The following CPNE4 variants were observed in gnomAD, a reference collection of about 807,000 sequenced individuals.
CPNE4 encodes copine-4.
CPNE4 carries 25 observed loss-of-function variants against 67.9 expected under a neutral mutation model. The observed-to-expected ratio is 0.37, with a 90% CI of 0.27 to 0.51. The LOEUF (loss-of-function observed/expected upper bound fraction) is 0.51, where lower values mean the gene tolerates loss of function less well. Ranked by LOEUF, CPNE4 falls within the 20% of genes least tolerant of loss-of-function variation. The probability of loss-of-function intolerance (pLI) is 0.93; values close to 1 mark genes in which losing one functional copy is unlikely to be tolerated. For synonymous variants in CPNE4, 242 were observed against 244.9 expected, an observed-to-expected ratio of 0.99 and a Z score of 0.11; for missense variants, 464 against 690.8, an observed-to-expected ratio of 0.67 and a Z score of 3.68.
intron 2 of CPNE4, among the ~76,000 whole-genome samples, chr3:131,862,679 T>G (rs2086737083): frequency 6.8e-6 from 1 of 147,442 alleles, no homozygotes; most frequent in Non-Finnish European, 1.5e-5. Context: ...ATTTCAGTCA[T>G]GGCATTTTCT....
At chr3:131,828,147 T>C (rs1318177494) in intron 2 of CPNE4, among the ~76,000 whole-genome samples, 1 of 150,902 alleles carries the variant, frequency 6.6e-6, no homozygotes, top group Non-Finnish European at 1.5e-5. Flanking sequence ...TTCTGATTGC[T>C]CAATACTTAA....
chr3:131,886,320 G>A (rs1301850975), intron 2 of CPNE4, among the ~76,000 whole-genome samples: 1 of 152,242 alleles, frequency 6.6e-6, no homozygotes, highest in Non-Finnish European at 1.5e-5. Flanking sequence ...CAGGTACACA[G>A]AAGTCAAGAA....
intron 7 of CPNE4, among the ~76,000 whole-genome samples, chr3:131,648,214 A>C (rs2079714530): frequency 6.6e-6 from 1 of 152,182 alleles, no homozygotes; most frequent in South Asian, 2.1e-4. Flanking sequence ...TCTACAAAAA[A>C]CACAAAAATT....
At chr3:131,686,106 C>T (rs2080882048) in intron 5 of CPNE4, 148 bp from the exon 6 acceptor site, 2 of 592,430 alleles carry the variant, frequency 3.4e-6, no homozygotes, top group Non-Finnish European at 6.0e-6. Flanking sequence ...TCTCTTCCTG[C>T]CCAGTTCTAC....
intron 7 of CPNE4, among the ~76,000 whole-genome samples, chr3:131,648,883 T>C (rs2079736668): frequency 6.6e-6 from 1 of 152,088 alleles, no homozygotes; most frequent in Non-Finnish European, 1.5e-5. Flanking sequence ...CCAATTCCTG[T>C]AAGTAGGTGG....
At chr3:132,039,080 T>A (rs2074376415), upstream of CPNE4, among the ~76,000 whole-genome samples, 1 of 152,258 alleles carries the variant, frequency 6.6e-6, no homozygotes, top group Non-Finnish European at 1.5e-5. Flanking sequence ...TAAACAGTCA[T>A]AAGTGGCTAG....
chr3:131,627,926 A>G (rs1019794571), intron 7 of CPNE4, among the ~76,000 whole-genome samples: 4 of 152,212 alleles, frequency 2.6e-5, no homozygotes, highest in African/African-American at 7.2e-5. Flanking sequence ...GATTCCATAA[A>G]CATTGTTGAA....
At chr3:131,930,640 A>G (rs2071034151) in intron 1 of CPNE4, among the ~76,000 whole-genome samples, 1 of 152,124 alleles carries the variant, frequency 6.6e-6, no homozygotes. Flanking sequence ...CGCTTAGTAC[A>G]GTGTCTGCCA....
chr3:131,993,472 C>CCAAAAAAA (rs1553825010), intron 1 of CPNE4, among the ~76,000 whole-genome samples: 1 of 60,474 alleles, frequency 1.7e-5, no homozygotes, highest in South Asian at 7.5e-4. Flanking sequence ...GCAGGAGTGG[C>CCAAAAAAA]AAAAAAAAAA....
intron 7 of CPNE4, among the ~76,000 whole-genome samples, chr3:131,661,702 C>G (rs1238460766): frequency 6.6e-6 from 1 of 152,120 alleles, no homozygotes; most frequent in African/African-American, 2.4e-5. Flanking sequence ...AAAGAAAGCA[C>G]TTGAATCTGA....
intron 2 of CPNE4, among the ~76,000 whole-genome samples, chr3:131,883,197 T>G (rs771821783): frequency 5.9e-5 from 9 of 152,168 alleles, no homozygotes; most frequent in Non-Finnish European, 1.0e-4. Flanking sequence ...ATATTGTCTC[T>G]CAACATTGGA....
At chr3:132,011,941 G>A (rs1409303735) in intron 1 of CPNE4, among the ~76,000 whole-genome samples, 1 of 152,026 alleles carries the variant, frequency 6.6e-6, no homozygotes, top group Admixed American at 6.5e-5. Flanking sequence ...TATTGCCTTG[G>A]GAAGACTTCT....
intron 2 of CPNE4, among the ~76,000 whole-genome samples, chr3:131,877,713 A>T (rs2087514126): frequency 3.3e-5 from 5 of 152,238 alleles, no homozygotes; most frequent in Admixed American, 3.3e-4. Flanking sequence ...GGCTACTATT[A>T]TGATAATGAC....
intron 1 of CPNE4, among the ~76,000 whole-genome samples, chr3:131,987,252 G>A (rs1583564385): frequency 6.6e-6 from 1 of 152,128 alleles, no homozygotes; most frequent in African/African-American, 2.4e-5. Context: ...CTCTGGGAGA[G>A]TATTGACTGA....
chr3:131,599,412 C>G (rs538523430), intron 7 of CPNE4, among the ~76,000 whole-genome samples: 1 of 152,244 alleles, frequency 6.6e-6, no homozygotes, highest in African/African-American at 2.4e-5. Flanking sequence ...AACCTAGCTG[C>G]TAGGATGGGA....
intron 2 of CPNE4, among the ~76,000 whole-genome samples, chr3:131,883,277 C>T (rs1207139209): frequency 6.6e-6 from 1 of 152,094 alleles, no homozygotes; most frequent in Non-Finnish European, 1.5e-5. Flanking sequence ...CCAGTGTTAC[C>T]CATCATCATT....
At chr3:131,584,967 G>A (rs936576153) in intron 8 of CPNE4, among the ~76,000 whole-genome samples, 9 of 152,120 alleles carry the variant, frequency 5.9e-5, no homozygotes, top group Non-Finnish European at 1.0e-4. Context: ...TCCTATGAAT[G>A]GTTCTTTCAC....
In CPNE4 at chr3:131,955,376, C is replaced by T. The variant is rs949478074; in HGVS notation, c.-1-49932G>A. Among the ~76,000 whole-genome samples, 3 of 122,824 alleles carry T rather than the reference C, an allele frequency of 2.4e-5. 1 individual carries two copies. Among genetic ancestry groups the T allele is most frequent in the South Asian group, 5.3e-4 (2 of 3,756 alleles). 80.6% of individuals were successfully genotyped at this position (122,824 alleles called of 152,430 possible). ...TCTCACAAAAAAGTGTTAAGTTGCA[C>T]GCAATGCTTTTTCTGTGTGGTATTG... On this transcript the variant is annotated intron_variant, in intron 1 of 15. Transcript: ENST00000429747.
At chr3:131,972,672 A>G (rs1448311103) in intron 1 of CPNE4, among the ~76,000 whole-genome samples, 1 of 152,176 alleles carries the variant, frequency 6.6e-6, no homozygotes, top group African/African-American at 2.4e-5. Context: ...CATATGGTAC[A>G]GAGCTCTAAA....
Sources: gnomAD v4.1 joint callset for allele counts (sites outside exome capture counted in the v4.1 genomes callset) on GRCh38, gnomAD v4.1.1 for gene constraint, MANE v1.5 for transcripts, NCBI Gene and HGNC (gene_info 2026-07-23, HGNC 2026-07-21) for gene names.